Variants in CYP26C1 observed in about 807,000 individuals in gnomAD.
The protein encoded by CYP26C1 is cytochrome P450 family 26 subfamily C member 1, also known as cytochrome P450 26C1.
CYP26C1 carries 41 observed loss-of-function variants against 39.1 expected under a neutral mutation model. That is an observed-to-expected ratio of 1.05 (90% confidence interval 0.82 to 1.36). The LOEUF (loss-of-function observed/expected upper bound fraction) is 1.36. CYP26C1 is among the 40% of genes most tolerant of loss of function. The pLI, the probability that CYP26C1 is intolerant of heterozygous loss-of-function variation, is 0.00. For missense variants in CYP26C1, 833 were observed against 752.0 expected, an observed-to-expected ratio of 1.11 and a Z score of -1.26; for synonymous variants, 362 against 350.8, an observed-to-expected ratio of 1.03 and a Z score of -0.36.
rs369876110 is a variant in CYP26C1 at position 93,068,523 on chromosome 10, G to T, written c.1395G>T (p.Ala465=). Residue 465 remains alanine, a synonymous_variant, in exon 6 of 6, where the codon GCG becomes GCT. Coordinates refer to ENST00000651965, the MANE Select transcript of CYP26C1 (RefSeq NM_183374.3). ...GARSCLGQEL[A]QAVLQLLAVE... Reference sequence around the variant, plus strand: ...GCAGCTGCCTCGGCCAGGAGCTGGCGCAAGCCGTGCTCCAGCTGCTAGCTG... The same window carrying T: ...GCAGCTGCCTCGGCCAGGAGCTGGCTCAAGCCGTGCTCCAGCTGCTAGCTG... The T allele has an allele frequency of 1.7e-5, 27 of 1,602,560 alleles. No homozygotes were observed. Among genetic ancestry groups the T allele is most frequent in the Middle Eastern group, 1.7e-4 (1 of 5,988 alleles).
In CYP26C1 at chr10:93,062,143, T is replaced by C; in HGVS notation, c.338T>C (p.Val113Ala). The C allele has an allele frequency of 6.5e-7, 1 of 1,544,756 alleles. No homozygotes were observed. Among genetic ancestry groups the C allele is most frequent in the Non-Finnish European group, 8.7e-7 (1 of 1,147,442 alleles). The change falls in exon 2 of 6, where the codon GTG (valine) becomes GCG (alanine). Residue 113 changes from valine to alanine, a missense_variant. Coordinates refer to ENST00000651965, the MANE Select transcript of CYP26C1 (RefSeq NM_183374.3). ...RTILLGEHRLVRSQWPQSAHI... is the reference protein window; with the variant it reads ...RTILLGEHRLARSQWPQSAHI... ...ATCCTGCTGGGCGAGCACCGCCTGG[T>C]GCGCAGCCAGTGGCCGCAGAGTGCG... is the stretch of plus-strand genomic sequence containing the variant.
chr10:93,064,872 C>T (rs1312541297), intron 4 of CYP26C1: 11 of 1,010,496 alleles, frequency 1.1e-5, no homozygotes, highest in Non-Finnish European at 1.3e-5. Context: ...TCTGCTGTCC[C>T]CCTGCCTACA....
chr10:93,066,568 A>G (rs116178877), intron 5 of CYP26C1, among the ~76,000 whole-genome samples: 308 of 152,326 alleles, frequency 2.0e-3, no homozygotes, highest in African/African-American at 6.8e-3. Context: ...GGAACGGTCA[A>G]TTCAATGAGA....
At position 93,064,539 on chromosome 10, in the gene CYP26C1, A is replaced by G; in HGVS notation, c.861+3A>G. 1 of 1,609,552 alleles carries G rather than the reference A, an allele frequency of 6.2e-7. No homozygotes were observed. The highest frequency in any genetic ancestry group is 8.5e-7 in the Non-Finnish European group (1 of 1,176,744). ...AGCCCTCCATGCAGGAGCTGAAGGT[A>G]GGTGCTGACAGGCCGCTCCTTCTCC... On this transcript the variant is annotated splice_donor_region_variant and intron_variant, in intron 4 of 5. Coordinates refer to ENST00000651965, the MANE Select transcript of CYP26C1 (RefSeq NM_183374.3).
intron 3 of CYP26C1, 70 bp downstream of exon 3, chr10:93,063,065 G>A: frequency 2.7e-6 from 4 of 1,486,952 alleles, no homozygotes; most frequent in East Asian, 2.4e-5. Context: ...AGACCCAGAC[G>A]GGACGCCCTC....
In CYP26C1 at chr10:93,069,021, G is replaced by C. The variant is rs796808364; in HGVS notation, c.*324G>C. On this transcript the variant is annotated 3_prime_UTR_variant, in exon 6 of 6. Transcript: ENST00000651965. ...AGGTGCTGCTTGGCTTCCCCTTCCC[G>C]AGCCAATCCAGGGAGGGTGCATGGA... 3.6e-6 allele frequency: 1 copy of C among 276,990 alleles called. No individual in the cohort carries two copies. Among genetic ancestry groups the C allele is most frequent in the African/African-American group, 2.2e-5 (1 of 45,482 alleles). 17.2% of individuals were successfully genotyped at this position (276,990 alleles called of 1,614,324 possible).
chr10:93,064,630 C>T, intron 4 of CYP26C1, 94 bp downstream of exon 4: 3 of 1,516,018 alleles, frequency 2.0e-6, no homozygotes, highest in Non-Finnish European at 8.8e-7. Flanking sequence ...TCTTGTGTGG[C>T]CCCACTTTGA....
chr10:93,062,907 A>G lies in CYP26C1; in HGVS notation c.617A>G (p.Gln206Arg). ...CTGGGGTTGCGGCTGGACGAGGCGC[A>G]GTGCGCCACGCTGGCCCGGACCTTC... ...ILLGLRLDEA[Q>R]CATLARTFEQ... Residue 206 changes from glutamine to arginine, a missense_variant, in exon 3 of 6, where the codon CAG becomes CGG. Physicochemically the swap from Gln to Arg is conservative, Grantham distance 43 (BLOSUM62 1). Transcript: ENST00000651965. 3 of 1,605,340 alleles carry G rather than the reference A, an allele frequency of 1.9e-6. No homozygotes were observed. Among genetic ancestry groups the G allele is most frequent in the Non-Finnish European group, 2.5e-6 (3 of 1,178,824 alleles).
Position 93,066,144 on chromosome 10 carries a change from C to T in CYP26C1, c.1050C>T (p.Pro350=), listed in dbSNP as rs187448183. 5,463 of 1,366,272 alleles carry T rather than the reference C, an allele frequency of 4.0e-3. 162 individuals carry two copies. The African/African-American group carries it at 0.066, about 17-fold the overall frequency. 84.6% of individuals were successfully genotyped at this position (1,366,272 alleles called of 1,614,324 possible). ...GAAGGSEGPP[P]DCGCEPDLSL... ...CTGGGGGCAGCGAGGGGCCCCCGCCCGACTGCGGCTGCGAGCCCGACCTCA... is the reference window on the plus strand; with the variant it reads ...CTGGGGGCAGCGAGGGGCCCCCGCCTGACTGCGGCTGCGAGCCCGACCTCA... The change falls in exon 5 of 6, where the codon CCC becomes CCT. Residue 350 remains proline (P), a synonymous_variant. Transcript: ENST00000651965.
At position 93,068,684 on chromosome 10, in the gene CYP26C1, G is replaced by T; in HGVS notation, c.1556G>T (p.Gly519Val). The change falls in exon 6 of 6, where the codon GGG becomes GTG. Residue 519 changes from glycine to valine, a missense_variant. By Grantham distance (109) the Gly-to-Val change is moderately radical (BLOSUM62 -3). Transcript: ENST00000651965. The stretch of plus-strand genomic sequence containing the variant: ...CTCACGCCTTCGGTTGCGGGGAATG[G>T]GCTATGCCTCTGACATGCTTGCGCT... Reference protein sequence around the residue: ...HPLTPSVAGNGLCL With the variant: ...HPLTPSVAGNVLCL 1 of 1,562,380 alleles carries T rather than the reference G, an allele frequency of 6.4e-7. No homozygotes were observed. The highest frequency in any genetic ancestry group is 8.7e-7 in the Non-Finnish European group (1 of 1,150,772).
At position 93,061,254 on chromosome 10, in the gene CYP26C1, C is replaced by G. The variant is rs1293666862; in HGVS notation, c.-10C>G. On this transcript the variant is annotated 5_prime_UTR_variant, in exon 1 of 6. Transcript: ENST00000651965. ...TGCGCTCTGAGCGGCCTGGCCCCCG[C>G]GGGCTCATCATGTTCCCTTGGGGGC... is the stretch of plus-strand genomic sequence containing the variant. The G allele has an allele frequency of 6.4e-7, 1 of 1,560,436 alleles. No individual in the cohort carries two copies. Among genetic ancestry groups the G allele is most frequent in the East Asian group, 2.4e-5 (1 of 42,348 alleles).
chr10:93,062,892 G>C lies in CYP26C1; in HGVS notation c.602G>C (p.Arg201Pro). The C allele has an allele frequency of 6.2e-7, 1 of 1,604,566 alleles. No individual in the cohort carries two copies. The highest frequency in any genetic ancestry group is 8.5e-7 in the Non-Finnish European group (1 of 1,178,922). The change falls in exon 3 of 6, where the codon CGG becomes CCG. Residue 201 changes from arginine to proline, a missense_variant. Arg to Pro is a moderately radical substitution (Grantham distance 103). Transcript: ENST00000651965. ...GCCGCGCGCATCCTGCTGGGGTTGC[G>C]GCTGGACGAGGCGCAGTGCGCCACG... is the stretch of plus-strand genomic sequence containing the variant. ...RMAARILLGLRLDEAQCATLA... is the reference protein window; with the variant it reads ...RMAARILLGLPLDEAQCATLA...
In CYP26C1 at chr10:93,061,197, C is replaced by T. The variant is rs1056979906; in HGVS notation, c.-67C>T. On this transcript the variant is annotated 5_prime_UTR_variant, in exon 1 of 6. Transcript: ENST00000651965. ...GAACAGGTGAGCACTGCGCACTGCT[C>T]GCGCCCCGGTTCTTGCGTCCCCTGC... 2.0e-6 allele frequency: 3 copies of T among 1,512,460 alleles called. No homozygotes were observed. The highest frequency in any genetic ancestry group is 2.7e-6 in the Non-Finnish European group (3 of 1,125,864). The allele number at this position is 1,512,460 out of a possible 1,614,324, so 93.7% of individuals were successfully genotyped here. A position where few individuals can be genotyped will look rare whatever the true frequency, so the allele number is the denominator to read the frequency against.
In CYP26C1 at chr10:93,062,949, ACCTCTTCTCACTG is replaced by A. The variant is rs776264603; in HGVS notation, c.665_677del (p.Phe222TrpfsTer44). ...CGGACCTTCGAGCAGCTCGTGGAGA[ACCTCTTCTCACTG>A]CCTCTGGACGTTCCCTTCAGTGGCC... is the stretch of plus-strand genomic sequence containing the variant. On this transcript the variant is annotated frameshift_variant, in exon 3 of 6. Transcript: ENST00000651965. LOFTEE classifies it high-confidence loss of function. 1.2e-5 allele frequency: 19 copies of A among 1,601,388 alleles called. No homozygotes were observed. Among genetic ancestry groups the A allele is most frequent in the Non-Finnish European group, 1.5e-5 (18 of 1,177,132 alleles).
At position 93,068,398 on chromosome 10, in the gene CYP26C1, C is replaced by T; in HGVS notation, c.1270C>T (p.Pro424Ser). 1.2e-6 allele frequency: 2 copies of T among 1,607,506 alleles called. No homozygotes were observed. Among genetic ancestry groups the T allele is most frequent in the East Asian group, 2.2e-5 (1 of 44,774 alleles). ...THETAAVYRS[P>S]PEGFDPERFG... ...CGAGACGGCTGCGGTGTACCGCAGC[C>T]CTCCCGAAGGCTTCGATCCAGAGCG... Residue 424 changes from proline to serine, a missense_variant, in exon 6 of 6, where the codon CCT (proline) becomes TCT (serine). Transcript: ENST00000651965.
intron 3 of CYP26C1, chr10:93,064,153 G>A: frequency 7.7e-7 from 1 of 1,295,228 alleles, no homozygotes; most frequent in Non-Finnish European, 1.0e-6. Flanking sequence ...ACTCTGCTGT[G>A]GCTCAGAGGG....
chr10:93,064,190 T>C (rs1388454612), intron 3 of CYP26C1, 191 bp from the exon 4 acceptor site: 2 of 1,375,490 alleles, frequency 1.5e-6, no homozygotes, highest in Non-Finnish European at 9.5e-7. Flanking sequence ...GACAGAATGA[T>C]GTTTGTGGAC....
In CYP26C1 at chr10:93,062,830, A is replaced by G. The variant is rs1846769230; in HGVS notation, c.540A>G (p.Ser180=). 1 of 1,580,352 alleles carries G rather than the reference A, an allele frequency of 6.3e-7. No homozygotes were observed. Among genetic ancestry groups the G allele is most frequent in the Non-Finnish European group, 8.6e-7 (1 of 1,169,218 alleles). The part of the protein sequence containing the change: ...RSWCAAGGPV[S]VYDASKALTF... ...GGTGCGCGGCGGGCGGGCCGGTCTC[A>G]GTCTACGACGCCTCCAAAGCGCTCA... Residue 180 remains serine, a synonymous_variant, in exon 3 of 6, where the codon TCA becomes TCG. Transcript: ENST00000651965.
intron 1 of CYP26C1, 130 bp downstream of exon 1, chr10:93,061,597 C>A: frequency 8.3e-7 from 1 of 1,202,048 alleles, no homozygotes; most frequent in Non-Finnish European, 1.2e-6. Flanking sequence ...CCCCGGGAAG[C>A]GCGCACAACT....
Sources: gnomAD v4.1 joint callset for allele counts (sites outside exome capture counted in the v4.1 genomes callset) on GRCh38, gnomAD v4.1.1 for gene constraint, MANE v1.5 for transcripts, NCBI Gene and HGNC (gene_info 2026-07-23, HGNC 2026-07-21) for gene names.